SHC3: variants seen among roughly 807,000 people sequenced by gnomAD.
SHC3 encodes the protein SHC-transforming protein 3.
Under a neutral mutation model 60.4 loss-of-function variants are expected in SHC3, and 15 were observed. That is an observed-to-expected ratio of 0.25 (90% CI 0.17 to 0.38). The LOEUF is 0.38. Ranked by LOEUF, SHC3 falls within the 10% of genes least tolerant of loss-of-function variation. The pLI, the probability that SHC3 is intolerant of heterozygous loss-of-function variation, is 1.00. For synonymous variants in SHC3, 294 were observed against 325.9 expected (o/e 0.90, Z 1.05); for missense variants, 677 against 786.1 (o/e 0.86, Z 1.66).
intron 2 of SHC3, among the ~76,000 whole-genome samples, chr9:89,108,224 T>C (rs1808767407): frequency 6.6e-6 from 1 of 152,032 alleles, no homozygotes; most frequent in Non-Finnish European, 1.5e-5. Context: ...CTCTCAGAAC[T>C]ATCCCTGGCC....
Position 89,178,317 on chromosome 9 carries a change from C to T in SHC3, c.144G>A (p.Val48=), listed in dbSNP as rs757252033. 3.4e-5 allele frequency: 54 copies of T among 1,592,556 alleles called. No individual in the cohort carries two copies. Among genetic ancestry groups the T allele is most frequent in the Non-Finnish European group, 4.6e-5 (54 of 1,171,836 alleles). Residue 48 remains valine, a synonymous_variant, in exon 1 of 12, where the codon GTG becomes GTA. Transcript: ENST00000375835. This position sits in a 1 kb window ranked among gnomAD's most constrained non-coding sequence, Gnocchi z 6.9. ...RATPAAAPYL[V]SGEALRKAPD... ...GCGCCTTGCGCAGCGCCTCGCCGGA[C>T]ACCAAGTAGGGAGCCGCCGCCGGGG...
chr9:89,035,828 A>ATATAT (rs1824563108), intron 11 of SHC3, among the ~76,000 whole-genome samples: 1 of 46,154 alleles, frequency 2.2e-5, no homozygotes, highest in African/African-American at 8.8e-5. Context: ...ACAAACAAAC[A>ATATAT]AAATATATAT....
At chr9:89,133,345 C>A (rs1273962139) in intron 1 of SHC3, among the ~76,000 whole-genome samples, 1 of 152,212 alleles carries the variant, frequency 6.6e-6, no homozygotes. Flanking sequence ...TTGTGGAAGA[C>A]ACTGTGGCGA....
Position 89,009,111 on chromosome 9 carries a change from C to T in SHC3, c.*4336G>A, listed in dbSNP as rs1039367951. ...ACGTGCAGGCCCAGGACTGTGAGTC[C>T]TGTGCTCTTTTCTAAGTTGATCCCC... On this transcript the variant is annotated 3_prime_UTR_variant, in exon 12 of 12. Coordinates refer to ENST00000375835, the MANE Select transcript of SHC3 (RefSeq NM_016848.6). The T allele has an allele frequency of 1.3e-5, 2 of 152,236 alleles. No individual in the cohort carries two copies. Among genetic ancestry groups the T allele is most frequent in the African/African-American group, 4.8e-5 (2 of 41,434 alleles). The allele number at this position is 152,236 out of a possible 1,614,324, so 9.4% of individuals were successfully genotyped here.
chr9:89,106,542 G>A (rs140234743), intron 2 of SHC3, among the ~76,000 whole-genome samples: 281 of 152,304 alleles, frequency 1.8e-3, no homozygotes, highest in African/African-American at 6.5e-3. Flanking sequence ...CTTCAGTAGT[G>A]AGGGGAGGCA....
At chr9:89,142,422 G>A (rs916085482) in intron 1 of SHC3, among the ~76,000 whole-genome samples, 3 of 151,750 alleles carry the variant, frequency 2.0e-5, no homozygotes, top group Non-Finnish European at 4.4e-5. Context: ...TTAGCCAGGT[G>A]TGGTGGTGGG....
chr9:89,107,154 C>T (rs1391739387), intron 2 of SHC3, among the ~76,000 whole-genome samples: 4 of 152,168 alleles, frequency 2.6e-5, no homozygotes, highest in Non-Finnish European at 5.9e-5. Flanking sequence ...GGCTGGAGAA[C>T]TCGGCCCAAG....
intron 11 of SHC3, among the ~76,000 whole-genome samples, chr9:89,030,837 T>C (rs936781910): frequency 6.6e-6 from 1 of 152,244 alleles, no homozygotes; most frequent in African/African-American, 2.4e-5. Context: ...GATATTTGTC[T>C]GTGGAATACC....
chr9:89,022,853 T>G (rs1826228711), intron 11 of SHC3, among the ~76,000 whole-genome samples: 1 of 152,228 alleles, frequency 6.6e-6, no homozygotes, highest in Non-Finnish European at 1.5e-5. Context: ...TGCCCTGAAT[T>G]CTCTTACGGT....
chr9:89,061,711 C>T (rs1825093137), intron 6 of SHC3, among the ~76,000 whole-genome samples: 1 of 152,172 alleles, frequency 6.6e-6, no homozygotes, highest in African/African-American at 2.4e-5. Context: ...CTGAAATTTA[C>T]AGTTCATAAG....
chr9:89,156,004 T>C (rs1432875750), intron 1 of SHC3, among the ~76,000 whole-genome samples: 2 of 152,230 alleles, frequency 1.3e-5, no homozygotes, highest in East Asian at 3.8e-4. Context: ...AAAATATTTA[T>C]GTTTCTGAGG....
chr9:89,148,155 T>C (rs1826496415), intron 1 of SHC3, among the ~76,000 whole-genome samples: 1 of 152,182 alleles, frequency 6.6e-6, no homozygotes, highest in Admixed American at 6.5e-5. Flanking sequence ...CCAATTTGTA[T>C]TGGTTTGCAA....
chr9:89,071,093 C>T, intron 5 of SHC3, 106 bp downstream of exon 5: 1 of 1,012,104 alleles, frequency 9.9e-7, no homozygotes, highest in Non-Finnish European at 1.5e-6. Context: ...TAGTTGCCAT[C>T]ACAATTAACC....
chr9:89,162,394 G>A (rs1048538041), intron 1 of SHC3, among the ~76,000 whole-genome samples: 4 of 152,150 alleles, frequency 2.6e-5, no homozygotes, highest in Non-Finnish European at 5.9e-5. Flanking sequence ...ACAAAACAGA[G>A]ATATAGATCA....
At chr9:89,145,827 T>G (rs918492155) in intron 1 of SHC3, among the ~76,000 whole-genome samples, 17 of 152,198 alleles carry the variant, frequency 1.1e-4, no homozygotes, top group Admixed American at 7.9e-4. Flanking sequence ...GAGACAACAA[T>G]GTGAATGTAC....
intron 1 of SHC3, among the ~76,000 whole-genome samples, chr9:89,165,293 C>T (rs970723887): frequency 7.1e-6 from 1 of 141,480 alleles, no homozygotes; most frequent in African/African-American, 3.0e-5. Flanking sequence ...TGTTTTCACA[C>T]ACCCTGGAAA....
chr9:89,174,148 GA>G (rs945066278), intron 1 of SHC3, among the ~76,000 whole-genome samples: 9 of 151,982 alleles, frequency 5.9e-5, no homozygotes, highest in Admixed American at 3.3e-4. Context: ...TTTGTCAAGT[GA>G]AAAAAATTAA....
At chr9:89,165,273 T>G (rs1016439453) in intron 1 of SHC3, among the ~76,000 whole-genome samples, 10 of 152,042 alleles carry the variant, frequency 6.6e-5, no homozygotes, top group Non-Finnish European at 1.2e-4. Context: ...TGTGTGTGTG[T>G]GTGTGTGTGT....
rs1481202025 is a variant in SHC3 at position 89,010,185 on chromosome 9, G to T, written c.*3262C>A. The T allele has an allele frequency of 6.6e-6, 1 of 152,192 alleles. No homozygotes were observed. The highest frequency in any genetic ancestry group is 1.5e-5 in the Non-Finnish European group (1 of 68,046). 9.4% of individuals were successfully genotyped at this position (152,192 alleles called of 1,614,324 possible). A position where few individuals can be genotyped will look rare whatever the true frequency, so the allele number is the denominator to read the frequency against. On this transcript the variant is annotated 3_prime_UTR_variant, in exon 12 of 12. Coordinates refer to ENST00000375835, the MANE Select transcript of SHC3 (RefSeq NM_016848.6). Reference sequence around the variant, plus strand: ...AGATGGCCTGACAAAATAGCTGCTCGCTCATCAAGGCTGAGCGGACGCCCA... The same window carrying T: ...AGATGGCCTGACAAAATAGCTGCTCTCTCATCAAGGCTGAGCGGACGCCCA...
Sources: allele counts gnomAD v4.1 joint callset (sites outside exome capture counted in the v4.1 genomes callset), GRCh38; gene constraint gnomAD v4.1.1; non-coding constraint Gnocchi (gnomAD v3.1); transcripts MANE v1.5; gene names NCBI Gene and HGNC (gene_info 2026-07-23, HGNC 2026-07-21).